Variants in OTOR observed in about 807,000 individuals in gnomAD.
The protein encoded by OTOR is otoraplin.
In OTOR, 20 loss-of-function variants were observed where a neutral mutation model predicts 15.9. The ratio of observed to expected loss-of-function variants is 1.26; its 90% confidence interval spans 0.89 to 1.83. The LOEUF (loss-of-function observed/expected upper bound fraction) is 1.83. Ranked by LOEUF, OTOR falls within the 40% of genes most tolerant of loss-of-function variation. The probability of loss-of-function intolerance (pLI) is 0.00; values close to 1 mark genes in which losing one functional copy is unlikely to be tolerated. For missense variants in OTOR, 184 were observed against 159.0 expected, an observed-to-expected ratio of 1.16 and a Z score of -0.85; for synonymous variants, 53 against 54.2, an observed-to-expected ratio of 0.98 and a Z score of 0.09.
chr20:16,750,216 CT>C (rs1286560273), intron 3 of OTOR, among the ~76,000 whole-genome samples: 3 of 152,130 alleles, frequency 2.0e-5, no homozygotes, highest in Admixed American at 1.3e-4. Context: ...ATACCACCCC[CT>C]TTTGTTTTAT....
chr20:16,749,647 C>T, intron 2 of OTOR: 1 of 439,558 alleles, frequency 2.3e-6, no homozygotes, highest in Non-Finnish European at 4.0e-6. Flanking sequence ...AGGCAACTCA[C>T]AAGATTGCGT....
rs753239327 is a variant in OTOR at position 16,751,083 on chromosome 20, G to GT, written c.364-5dup. 2.3e-5 allele frequency: 35 copies of GT among 1,529,858 alleles called. No individual in the cohort carries two copies. The highest frequency in any genetic ancestry group is 2.8e-5 in the Non-Finnish European group (32 of 1,131,106). 94.8% of individuals were successfully genotyped at this position (1,529,858 alleles called of 1,614,324 possible). On this transcript the variant is annotated splice_polypyrimidine_tract_variant and intron_variant, in intron 3 of 3. Coordinates refer to ENST00000246081, the MANE Select transcript of OTOR (RefSeq NM_020157.4). ...TTTCGTTCAATCTTTTTTTGTTTTT[G>GT]TTTTTTTCCAGGATATTGACTTCTT...
rs1332768493 is a variant in OTOR at position 16,752,075 on chromosome 20, T to C, written c.*957T>C. On this transcript the variant is annotated 3_prime_UTR_variant, in exon 4 of 4. Coordinates refer to ENST00000246081, the MANE Select transcript of OTOR (RefSeq NM_020157.4). The stretch of plus-strand genomic sequence containing the variant: ...TTTCTATATTTAACTGGAAATATGC[T>C]TTGATTTTGTGTTATTAATATAATT... 1 of 152,234 alleles carries C rather than the reference T, an allele frequency of 6.6e-6. No individual in the cohort carries two copies. The highest frequency in any genetic ancestry group is 2.4e-5 in the African/African-American group (1 of 41,474). 9.4% of individuals were successfully genotyped at this position (152,234 alleles called of 1,614,324 possible). A position where few individuals can be genotyped will look rare whatever the true frequency, so the allele number is the denominator to read the frequency against.
In OTOR at chr20:16,751,243, G is replaced by A. The variant is rs2072527345; in HGVS notation, c.*125G>A. ...TAAGAATTTGTTACCTTACAGAAGA[G>A]CAAGGGCTTAGGGGTTGGAGGTGGC... On this transcript the variant is annotated 3_prime_UTR_variant, in exon 4 of 4. Transcript: ENST00000246081. The A allele has an allele frequency of 1.5e-6, 1 of 683,392 alleles. No individual in the cohort carries two copies. The highest frequency in any genetic ancestry group is 3.3e-5 in the Admixed American group (1 of 30,134). The allele number at this position is 683,392 out of a possible 1,614,324, so 42.3% of individuals were successfully genotyped here.
Position 16,751,847 on chromosome 20 carries a change from C to A in OTOR, c.*729C>A, listed in dbSNP as rs1370071349. The stretch of plus-strand genomic sequence containing the variant: ...GAAATATTTTTAATGGAATAGTTTT[C>A]CCTTAATATGTATCCTTGCTGGATA... On this transcript the variant is annotated 3_prime_UTR_variant, in exon 4 of 4. Transcript: ENST00000246081. The A allele has an allele frequency of 1.3e-5, 2 of 151,978 alleles. No homozygotes were observed. The highest frequency in any genetic ancestry group is 4.8e-5 in the African/African-American group (2 of 41,372). The allele number at this position is 151,978 out of a possible 1,614,324, so 9.4% of individuals were successfully genotyped here. A position where few individuals can be genotyped will look rare whatever the true frequency, so the allele number is the denominator to read the frequency against.
chr20:16,750,898 AGG>A (rs1296557270), intron 3 of OTOR, among the ~76,000 whole-genome samples, 195 bp from the exon 4 acceptor site: 1 of 152,204 alleles, frequency 6.6e-6, no homozygotes, highest in East Asian at 1.9e-4. Flanking sequence ...TGCAAATTAA[AGG>A]TTCATTTTAG....
Position 16,748,457 on chromosome 20 carries a change from A to G in OTOR, c.56A>G (p.His19Arg). ...LPGLVAVCAV[H>R]GIFMDRLASK... The stretch of plus-strand genomic sequence containing the variant: ...GGTCTTGTGGCTGTATGTGCTGTGC[A>G]TGGAATATTTATGGACCGTCTAGCT... The change falls in exon 1 of 4, where the codon CAT becomes CGT. Residue 19 changes from histidine to arginine, a missense_variant. His to Arg is a conservative substitution (Grantham distance 29, BLOSUM62 0). Coordinates refer to ENST00000246081, the MANE Select transcript of OTOR (RefSeq NM_020157.4). 1 of 1,613,866 alleles carries G rather than the reference A, an allele frequency of 6.2e-7. No individual in the cohort carries two copies. The highest frequency in any genetic ancestry group is 1.1e-5 in the South Asian group (1 of 91,082).
At chr20:16,751,009 G>C (rs2072525623) in intron 3 of OTOR, 86 bp from the exon 4 acceptor site, 1 of 1,013,646 alleles carries the variant, frequency 9.9e-7, no homozygotes, top group Non-Finnish European at 1.4e-6. Flanking sequence ...TCTCTGATTA[G>C]ATATGACTTT....
At position 16,748,392 on chromosome 20, in the gene OTOR, A is replaced by T; in HGVS notation, c.-10A>T. 1 of 1,585,438 alleles carries T rather than the reference A, an allele frequency of 6.3e-7. No homozygotes were observed. On this transcript the variant is annotated 5_prime_UTR_variant, in exon 1 of 4. Coordinates refer to ENST00000246081, the MANE Select transcript of OTOR (RefSeq NM_020157.4). The stretch of plus-strand genomic sequence containing the variant: ...CAGTCAGAGTTCAAGTTAAAACAGA[A>T]AAAAGGAAGATGGCAAGAATATTGT...
Position 16,749,888 on chromosome 20 carries a change from C to T in OTOR, c.256-15C>T. The T allele has an allele frequency of 6.4e-7, 1 of 1,564,242 alleles. No homozygotes were observed. The highest frequency in any genetic ancestry group is 8.8e-7 in the Non-Finnish European group (1 of 1,134,920). On this transcript the variant is annotated splice_polypyrimidine_tract_variant and intron_variant, in intron 2 of 3. Transcript: ENST00000246081. ...CATCAGCTTTTTCCTGATTGCTATT[C>T]TTCTGGGCACTTAGGTTTATGGTGA...
At chr20:16,748,572 C>T in intron 1 of OTOR, 56 bp downstream of exon 1, 2 of 1,013,392 alleles carry the variant, frequency 2.0e-6, no homozygotes, top group African/African-American at 1.6e-5. Context: ...GAAAATATAT[C>T]CACTAATAGC....
At chr20:16,750,551 C>T (rs1230621476) in intron 3 of OTOR, among the ~76,000 whole-genome samples, 1 of 152,162 alleles carries the variant, frequency 6.6e-6, no homozygotes, top group Non-Finnish European at 1.5e-5. Context: ...AAAGTCAGCA[C>T]TGACTCTTAC....
At position 16,751,247 on chromosome 20, in the gene OTOR, G is replaced by C; in HGVS notation, c.*129G>C. 6.2e-6 allele frequency: 4 copies of C among 646,502 alleles called. No homozygotes were observed. Among genetic ancestry groups the C allele is most frequent in the Non-Finnish European group, 1.0e-5 (4 of 383,594 alleles). 40.0% of individuals were successfully genotyped at this position (646,502 alleles called of 1,614,324 possible). A position where few individuals can be genotyped will look rare whatever the true frequency, so the allele number is the denominator to read the frequency against. ...AATTTGTTACCTTACAGAAGAGCAA[G>C]GGCTTAGGGGTTGGAGGTGGCAGAT... On this transcript the variant is annotated 3_prime_UTR_variant, in exon 4 of 4. Coordinates refer to ENST00000246081, the MANE Select transcript of OTOR (RefSeq NM_020157.4).
Position 16,749,333 on chromosome 20 carries a change from C to G in OTOR, c.255+327C>G, listed in dbSNP as rs1221041548. On this transcript the variant is annotated intron_variant, in intron 2 of 3. Transcript: ENST00000246081. ...GAAGGCATGTGTGTTGGCAGTGAGTCTAAGTATCAATATTCTTTTAGGAAA... is the reference window on the plus strand; with the variant it reads ...GAAGGCATGTGTGTTGGCAGTGAGTGTAAGTATCAATATTCTTTTAGGAAA... The G allele has an allele frequency of 2.6e-5, 5 of 194,944 alleles. No homozygotes were observed. The Admixed American group carries it at 3.0e-4, about 12-fold the overall frequency. The allele number at this position is 194,944 out of a possible 1,614,324, so 12.1% of individuals were successfully genotyped here.
rs1479252904 is a variant in OTOR, at chr20:16,748,500, A to G, written c.99A>G (p.Ala33=). The G allele has an allele frequency of 1.2e-6, 2 of 1,605,132 alleles. No individual in the cohort carries two copies. Among genetic ancestry groups the G allele is most frequent in the African/African-American group, 1.3e-5 (1 of 74,754 alleles). ...MDRLASKKLC[A]DDECVYTISL... is the part of the protein sequence containing the mutation. Reference sequence around the variant, plus strand: ...GTCTAGCTTCCAAGAAGCTCTGTGCAGATGATGAGTGTGTCTGTAAGGACT... The same window carrying G: ...GTCTAGCTTCCAAGAAGCTCTGTGCGGATGATGAGTGTGTCTGTAAGGACT... Residue 33 remains alanine, a synonymous_variant, in exon 1 of 4, where the codon GCA becomes GCG. Transcript: ENST00000246081.
At position 16,751,307 on chromosome 20, in the gene OTOR, C is replaced by A. The variant is rs2072527927; in HGVS notation, c.*189C>A. ...TTTTCAACTCAAATCTTGTTTCCTG[C>A]TGGCCTGGTCTGCCCACGAGCTAGA... On this transcript the variant is annotated 3_prime_UTR_variant, in exon 4 of 4. Coordinates refer to ENST00000246081, the MANE Select transcript of OTOR (RefSeq NM_020157.4). The A allele has an allele frequency of 1.8e-6, 1 of 558,426 alleles. No homozygotes were observed. The highest frequency in any genetic ancestry group is 3.1e-6 in the Non-Finnish European group (1 of 319,440). 34.6% of individuals were successfully genotyped at this position (558,426 alleles called of 1,614,324 possible).
At position 16,751,197 on chromosome 20, in the gene OTOR, T is replaced by C; in HGVS notation, c.*79T>C. ...CAAAAGTGGCCAAAAAATGCATGTCTGTAATTTTGGACTGACGTTTTAAGA... is the reference window on the plus strand; with the variant it reads ...CAAAAGTGGCCAAAAAATGCATGTCCGTAATTTTGGACTGACGTTTTAAGA... On this transcript the variant is annotated 3_prime_UTR_variant, in exon 4 of 4. Coordinates refer to ENST00000246081, the MANE Select transcript of OTOR (RefSeq NM_020157.4). 1 of 1,000,148 alleles carries C rather than the reference T, an allele frequency of 1.0e-6. No homozygotes were observed. Among genetic ancestry groups the C allele is most frequent in the Non-Finnish European group, 1.5e-6 (1 of 673,982 alleles). The allele number at this position is 1,000,148 out of a possible 1,614,324, so 62.0% of individuals were successfully genotyped here.
Position 16,748,381 on chromosome 20 carries a change from G to A in OTOR, c.-21G>A, listed in dbSNP as rs199838317. On this transcript the variant is annotated 5_prime_UTR_variant, in exon 1 of 4. Coordinates refer to ENST00000246081, the MANE Select transcript of OTOR (RefSeq NM_020157.4). ...GTCCCCGCTTCCAGTCAGAGTTCAA[G>A]TTAAAACAGAAAAAAGGAAGATGGC... 2 of 1,536,754 alleles carry A rather than the reference G, an allele frequency of 1.3e-6. No homozygotes were observed. Among genetic ancestry groups the A allele is most frequent in the East Asian group, 2.2e-5 (1 of 44,466 alleles).
In OTOR at chr20:16,749,827, A is replaced by G. The variant is rs145536419; in HGVS notation, c.256-76A>G. 3.9e-4 allele frequency: 382 copies of G among 985,020 alleles called. 1 individual carries two copies. The African/African-American group carries it at 4.9e-3, about 13-fold the overall frequency. The allele number at this position is 985,020 out of a possible 1,614,324, so 61.0% of individuals were successfully genotyped here. Reference sequence around the variant, plus strand: ...GCAGCTATGATTCTCACTATCAGCAAAGAGGACGCCTGCGAGTTTCTCAGA... The same window carrying G: ...GCAGCTATGATTCTCACTATCAGCAGAGAGGACGCCTGCGAGTTTCTCAGA... On this transcript the variant is annotated intron_variant, in intron 2 of 3. Transcript: ENST00000246081.
Sources: allele counts gnomAD v4.1 joint callset (sites outside exome capture counted in the v4.1 genomes callset), GRCh38; gene constraint gnomAD v4.1.1; transcripts MANE v1.5; gene names NCBI Gene and HGNC (gene_info 2026-07-23, HGNC 2026-07-21).